Variants in RBM26 observed in about 807,000 individuals in gnomAD.
RBM26 encodes the protein RNA-binding protein 26.
Under a neutral mutation model 123.6 loss-of-function variants are expected in RBM26, and 30 were observed. That is an observed-to-expected ratio of 0.24 (90% confidence interval 0.18 to 0.33). The LOEUF (loss-of-function observed/expected upper bound fraction) is 0.33. Ranked by LOEUF, RBM26 falls within the 10% of genes least tolerant of loss-of-function variation. The probability of loss-of-function intolerance (pLI) is 1.00; values close to 1 mark genes in which losing one functional copy is unlikely to be tolerated. For synonymous variants in RBM26, 400 were observed against 404.4 expected (o/e 0.99, Z 0.13); for missense variants, 947 against 1,203.6 (o/e 0.79, Z 3.15).
chr13:79,386,407 C>G (rs2329117), intron 1 of RBM26, among the ~76,000 whole-genome samples: 1 of 136,972 alleles, frequency 7.3e-6, no homozygotes. Context: ...TACATAACTT[C>G]TAAATTAAAT....
intron 3 of RBM26, among the ~76,000 whole-genome samples, chr13:79,374,320 T>A (rs1004394879): frequency 2.6e-5 from 4 of 151,964 alleles, no homozygotes; most frequent in African/African-American, 9.7e-5. Flanking sequence ...AATACAAAAA[T>A]TAGCTGGGCA....
intron 2 of RBM26, among the ~76,000 whole-genome samples, chr13:79,378,539 AAGCAATTCTCCTGCCTC>A (rs1339187622): frequency 6.6e-6 from 1 of 152,172 alleles, no homozygotes; most frequent in Non-Finnish European, 1.5e-5. Flanking sequence ...TCCCAGGTTC[AAGCAATTCTCCTGCCTC>A]AGCCTCCCGA....
chr13:79,350,025 T>C (rs184082745), intron 14 of RBM26, among the ~76,000 whole-genome samples: 206 of 152,234 alleles, frequency 1.4e-3, no homozygotes, highest in Non-Finnish European at 2.5e-3. Flanking sequence ...ACTAGCAAAG[T>C]TACACAACAA....
intron 6 of RBM26, among the ~76,000 whole-genome samples, chr13:79,368,195 G>A (rs2075532936): frequency 6.6e-6 from 1 of 151,804 alleles, no homozygotes; most frequent in African/African-American, 2.4e-5. Context: ...CAGCTAATTT[G>A]TTGTATTTTT....
rs1368287753 is a variant in RBM26, at chr13:79,344,771, T to C, written c.2082A>G (p.Leu694=). 13 of 1,612,996 alleles carry C rather than the reference T, an allele frequency of 8.1e-6. No individual in the cohort carries two copies. The highest frequency in any genetic ancestry group is 1.1e-5 in the Non-Finnish European group (13 of 1,179,456). ...CAGCTGGATTATACACTGTTTTTGT[T>C]AGGCCAGTAGATGTAGACAACACCT... ...TEKVLSTSTG[L]TKTVYNPAAL... is the part of the protein sequence containing the mutation. The change falls in exon 15 of 22, where the codon CTA becomes CTG. Residue 694 remains leucine, a synonymous_variant. Coordinates refer to ENST00000438737, the MANE Select transcript of RBM26 (RefSeq NM_001366735.2).
chr13:79,359,361 T>A (rs964110212), intron 10 of RBM26, among the ~76,000 whole-genome samples: 1 of 151,970 alleles, frequency 6.6e-6, no homozygotes, highest in African/African-American at 2.4e-5. Flanking sequence ...GAGGAAAAAA[T>A]TATGCCCTGA....
intron 9 of RBM26, 74 bp downstream of exon 9, chr13:79,365,504 C>A: frequency 3.3e-6 from 4 of 1,213,680 alleles, no homozygotes; most frequent in South Asian, 1.4e-5. Flanking sequence ...AAGGCAAGAC[C>A]AACTGTTCTT....
chr13:79,397,700 A>AG (rs2078708000), intron 1 of RBM26, among the ~76,000 whole-genome samples: 1 of 150,798 alleles, frequency 6.6e-6, no homozygotes, highest in Non-Finnish European at 1.5e-5. Context: ...AAAAAAAAAA[A>AG]AAAGAAATGA....
intron 20 of RBM26, among the ~76,000 whole-genome samples, chr13:79,325,914 T>C (rs1006460714): frequency 1.3e-5 from 2 of 152,182 alleles, no homozygotes; most frequent in Non-Finnish European, 2.9e-5. Flanking sequence ...TACTGTACCT[T>C]TTCTATGTTT....
intron 4 of RBM26, 35 bp from the exon 5 acceptor site, chr13:79,371,197 T>A: frequency 2.0e-6 from 3 of 1,524,230 alleles, no homozygotes; most frequent in Non-Finnish European, 2.7e-6. Flanking sequence ...ATACAAATAA[T>A]TTTTAAGTGA....
intron 5 of RBM26, 29 bp from the exon 6 acceptor site, chr13:79,369,019 A>C: frequency 6.8e-7 from 1 of 1,461,330 alleles, no homozygotes; most frequent in Non-Finnish European, 9.2e-7. Flanking sequence ...GACATATAAA[A>C]CTACACTGTA....
chr13:79,371,320 C>A (rs1195573493), intron 4 of RBM26, among the ~76,000 whole-genome samples, 158 bp from the exon 5 acceptor site: 1 of 152,164 alleles, frequency 6.6e-6, no homozygotes, highest in Non-Finnish European at 1.5e-5. Context: ...TACTTTAAAT[C>A]CCTTTTAAAT....
intron 3 of RBM26, 22 bp from the exon 4 acceptor site, chr13:79,371,952 AGTGT>A: frequency 6.1e-6 from 9 of 1,466,908 alleles, no homozygotes; most frequent in Non-Finnish European, 7.6e-6. Flanking sequence ...AAAAAAAAAA[AGTGT>A]ACAAGTTTAG....
intron 1 of RBM26, chr13:79,389,456 G>T (rs1016504178): frequency 2.0e-5 from 3 of 151,848 alleles, no homozygotes; most frequent in Non-Finnish European, 4.4e-5. Flanking sequence ...AAAAGAAACG[G>T]GAAAAAAAAT....
At position 79,377,462 on chromosome 13, in the gene RBM26, G is replaced by C; in HGVS notation, c.244C>G (p.Leu82Val). Residue 82 changes from leucine to valine, a missense_variant, in exon 3 of 22, where the codon CTA becomes GTA. By Grantham distance (32) the Leu-to-Val change is conservative. Transcript: ENST00000438737. ...GATGATGGCTGCTCTGGAGGAGGTA[G>C]GTAACTCTTTGTATTCACAGCATCA... is the stretch of plus-strand genomic sequence containing the variant. Reference protein sequence around the residue: ...LFDAVNTKSYLPPPEQPSSGS... With the variant: ...LFDAVNTKSYVPPPEQPSSGS... The C allele has an allele frequency of 6.2e-7, 1 of 1,612,622 alleles. No individual in the cohort carries two copies. Among genetic ancestry groups the C allele is most frequent in the Non-Finnish European group, 8.5e-7 (1 of 1,178,746 alleles).
chr13:79,342,513 T>C (rs896615096), intron 17 of RBM26, 151 bp downstream of exon 17: 3 of 596,696 alleles, frequency 5.0e-6, no homozygotes, highest in Non-Finnish European at 2.9e-6. Flanking sequence ...TACTTGTTTG[T>C]ACTTTTTTAT....
intron 1 of RBM26, among the ~76,000 whole-genome samples, chr13:79,380,292 C>A (rs1566540371): frequency 6.6e-6 from 1 of 152,036 alleles, no homozygotes; most frequent in Non-Finnish European, 1.5e-5. Flanking sequence ...AAGTTTTCAA[C>A]CCCTAAAGAA....
intron 14 of RBM26, among the ~76,000 whole-genome samples, chr13:79,345,346 G>A (rs548695325): frequency 2.6e-5 from 4 of 151,774 alleles, no homozygotes; most frequent in African/African-American, 9.7e-5. Flanking sequence ...AACAAAGCCT[G>A]GATCATTTCT....
intron 1 of RBM26, 97 bp from the exon 2 acceptor site, chr13:79,379,004 G>A (rs994365697): frequency 5.7e-5 from 43 of 756,324 alleles, no homozygotes; most frequent in Non-Finnish European, 9.0e-5. Context: ...AGTTAAGTGA[G>A]TTAATACATG....
Sources: allele counts gnomAD v4.1 joint callset (sites outside exome capture counted in the v4.1 genomes callset), GRCh38; gene constraint gnomAD v4.1.1; transcripts MANE v1.5; gene names NCBI Gene and HGNC (gene_info 2026-07-23, HGNC 2026-07-21).